Variants in CAMTA1 observed in about 807,000 individuals in gnomAD.
CAMTA1 encodes calmodulin-binding transcription activator 1.
CAMTA1 carries 27 observed loss-of-function variants against 170.9 expected under a neutral mutation model. The observed-to-expected ratio is 0.16, with a 90% CI of 0.12 to 0.22. The LOEUF is 0.22. Ranked by LOEUF, CAMTA1 falls within the 10% of genes least tolerant of loss-of-function variation. CAMTA1 has a pLI of 1.00. For synonymous variants in CAMTA1, 833 were observed against 891.5 expected (o/e 0.93, Z 1.17); for missense variants, 1,619 against 2,217.2 (o/e 0.73, Z 5.42).
chr1:6,845,106 G>T lies in CAMTA1; in HGVS notation c.234+19896G>T, dbSNP rs75855758. Among the ~76,000 whole-genome samples, 460 of 152,294 alleles carry T rather than the reference G, an allele frequency of 3.0e-3. 26 individuals are homozygous for T. The East Asian group carries it at 0.081, about 27-fold the overall frequency. On this transcript the variant is annotated intron_variant, in intron 3 of 22. Transcript: ENST00000303635. ...GGTGGCTGAGTTAGAACTTGTGGGA[G>T]GCTCTGAGAAGCCAGGCATGAGCAG...
At chr1:7,471,385 G>A (rs12040722) in intron 6 of CAMTA1, among the ~76,000 whole-genome samples, 2 of 152,228 alleles carry the variant, frequency 1.3e-5, no homozygotes, top group Admixed American at 6.5e-5. Flanking sequence ...GAGGTCACCA[G>A]GACAGCTGGG....
chr1:7,498,376 TGA>T (rs1339270571), intron 6 of CAMTA1, among the ~76,000 whole-genome samples: 1 of 147,002 alleles, frequency 6.8e-6, no homozygotes, highest in Non-Finnish European at 1.5e-5. Context: ...TGTGTGTGTA[TGA>T]GTGGATGTGT....
chr1:7,090,513 C>T (rs1641331376), intron 3 of CAMTA1, among the ~76,000 whole-genome samples: 1 of 152,196 alleles, frequency 6.6e-6, no homozygotes, highest in South Asian at 2.1e-4. Flanking sequence ...TTAGCAGATC[C>T]TTTCGGAGGT....
intron 11 of CAMTA1, among the ~76,000 whole-genome samples, chr1:7,726,753 G>A (rs916708927): frequency 1.3e-5 from 2 of 152,166 alleles, no homozygotes; most frequent in African/African-American, 2.4e-5. Context: ...TGTTCTTCCG[G>A]TGCGACGGAT....
At chr1:7,111,898 A>AG (rs1244544856) in intron 4 of CAMTA1, among the ~76,000 whole-genome samples, 1 of 147,318 alleles carries the variant, frequency 6.8e-6, no homozygotes, top group Non-Finnish European at 1.5e-5. Context: ...AAAAAAAAAA[A>AG]AAAAAAAAAA....
intron 6 of CAMTA1, among the ~76,000 whole-genome samples, chr1:7,491,973 C>A (rs1332548377): frequency 6.6e-6 from 1 of 152,154 alleles, no homozygotes; most frequent in African/African-American, 2.4e-5. Flanking sequence ...GTCTTGATTG[C>A]CACATTGTGG....
intron 6 of CAMTA1, among the ~76,000 whole-genome samples, chr1:7,497,388 T>A (rs900408217): frequency 1.1e-4 from 16 of 152,192 alleles, no homozygotes; most frequent in Non-Finnish European, 1.6e-4. Context: ...GCAGAAAGCC[T>A]ATACCCTGGC....
chr1:6,820,049 C>T (rs761641143), intron 1 of CAMTA1, 132 bp from the exon 2 acceptor site: 4 of 655,904 alleles, frequency 6.1e-6, no homozygotes, highest in Non-Finnish European at 2.8e-6. Flanking sequence ...GTGGAATGTT[C>T]CTTGATTTGG....
intron 1 of CAMTA1, among the ~76,000 whole-genome samples, chr1:6,815,868 A>G (rs1313836525): frequency 6.6e-6 from 1 of 152,198 alleles, no homozygotes; most frequent in African/African-American, 2.4e-5. Context: ...ATCCTAAGAT[A>G]ACCCGCATGC....
At chr1:7,310,816 C>T (rs960975887) in intron 5 of CAMTA1, among the ~76,000 whole-genome samples, 4 of 150,834 alleles carry the variant, frequency 2.7e-5, no homozygotes, top group Admixed American at 6.6e-5. Context: ...CTGCAACTTC[C>T]GCCTCCTGGG....
At chr1:7,127,591 G>A (rs190771465) in intron 4 of CAMTA1, among the ~76,000 whole-genome samples, 1 of 152,266 alleles carries the variant, frequency 6.6e-6, no homozygotes, top group African/African-American at 2.4e-5. Flanking sequence ...CCCTGCATCC[G>A]TCATTCATTC....
At chr1:6,790,540 A>G (rs963130790) in intron 1 of CAMTA1, among the ~76,000 whole-genome samples, 1 of 152,146 alleles carries the variant, frequency 6.6e-6, no homozygotes, top group Non-Finnish European at 1.5e-5. Context: ...TCTATAGAAC[A>G]TAGAGTCAAA....
chr1:7,330,308 C>CTGTAA (rs771896884), intron 5 of CAMTA1, among the ~76,000 whole-genome samples: 12 of 152,312 alleles, frequency 7.9e-5, no homozygotes, highest in Non-Finnish European at 1.3e-4. Context: ...GTAATAGTCG[C>CTGTAA]AGGACCCGGA....
chr1:6,892,113 T>C (rs1674630586), intron 3 of CAMTA1, among the ~76,000 whole-genome samples: 3 of 152,266 alleles, frequency 2.0e-5, no homozygotes, highest in African/African-American at 4.8e-5. Flanking sequence ...AGCAACCTTA[T>C]TTATGCATTC....
chr1:7,179,227 C>T (rs1172217126), intron 4 of CAMTA1, among the ~76,000 whole-genome samples: 4 of 152,118 alleles, frequency 2.6e-5, no homozygotes, highest in Admixed American at 1.3e-4. Flanking sequence ...ATATCAGTCA[C>T]GAATATCTAT....
At chr1:6,856,868 A>C (rs1330803662) in intron 3 of CAMTA1, among the ~76,000 whole-genome samples, 1 of 152,142 alleles carries the variant, frequency 6.6e-6, no homozygotes. Flanking sequence ...GCTTGCGGGC[A>C]GACTTCATGA....
At chr1:7,581,787 T>C (rs2150400290) in intron 6 of CAMTA1, among the ~76,000 whole-genome samples, 1 of 152,374 alleles carries the variant, frequency 6.6e-6, no homozygotes, top group African/African-American at 2.4e-5. Context: ...GAGCACTGTT[T>C]CTGGAGTTCA....
chr1:6,812,630 C>A (rs1015189341), intron 1 of CAMTA1, among the ~76,000 whole-genome samples: 2 of 151,988 alleles, frequency 1.3e-5, no homozygotes, highest in Non-Finnish European at 2.9e-5. Flanking sequence ...TGATTATTTT[C>A]AGACTTTGAG....
intron 5 of CAMTA1, among the ~76,000 whole-genome samples, chr1:7,292,347 A>AT (rs1673267665): frequency 6.6e-6 from 1 of 152,134 alleles, no homozygotes; most frequent in East Asian, 1.9e-4. Context: ...AGGCAGAGCC[A>AT]ATATTCTGTG....
Sources: allele counts gnomAD v4.1 joint callset (sites outside exome capture counted in the v4.1 genomes callset), GRCh38; gene constraint gnomAD v4.1.1; transcripts MANE v1.5; gene names NCBI Gene and HGNC (gene_info 2026-07-23, HGNC 2026-07-21).